Variants in EML4 observed in about 807,000 individuals in gnomAD.
EML4 encodes echinoderm microtubule-associated protein-like 4.
EML4 carries 72 observed loss-of-function variants against 129.0 expected under a neutral mutation model. The observed-to-expected ratio is 0.56, with a 90% CI of 0.46 to 0.68. EML4 has a LOEUF of 0.68. EML4 is among the 30% of genes least tolerant of loss of function. The pLI, the probability that EML4 is intolerant of heterozygous loss-of-function variation, is 0.00. For missense variants in EML4, 1,363 were observed against 1,190.6 expected, an observed-to-expected ratio of 1.14 and a Z score of -2.13; for synonymous variants, 532 against 405.0, an observed-to-expected ratio of 1.31 and a Z score of -3.77.
intron 11 of EML4, 43 bp downstream of exon 11, chr2:42,288,365 A>C (rs774136226): frequency 9.9e-6 from 10 of 1,007,182 alleles, no homozygotes; most frequent in Non-Finnish European, 1.5e-5. Flanking sequence ...AGAGTACGTT[A>C]CTTGTTTTGC....
At chr2:42,220,538 C>T (rs1673520578) in intron 1 of EML4, among the ~76,000 whole-genome samples, 1 of 152,102 alleles carries the variant, frequency 6.6e-6, no homozygotes, top group Non-Finnish European at 1.5e-5. Flanking sequence ...GTTCCTCTGT[C>T]TCTCTCCCTC....
intron 19 of EML4, among the ~76,000 whole-genome samples, chr2:42,321,650 G>C (rs192547190): frequency 3.5e-4 from 54 of 152,212 alleles, no homozygotes; most frequent in Admixed American, 3.5e-3. Flanking sequence ...AATGACTTCT[G>C]CCACCCCTAA....
intron 1 of EML4, among the ~76,000 whole-genome samples, chr2:42,218,026 C>A (rs942270268): frequency 6.6e-6 from 1 of 152,044 alleles, no homozygotes; most frequent in African/African-American, 2.4e-5. Context: ...AACAGGGGTC[C>A]CCAACCCTCC....
chr2:42,198,580 G>A (rs1368313167), intron 1 of EML4, among the ~76,000 whole-genome samples: 1 of 152,130 alleles, frequency 6.6e-6, no homozygotes, highest in Non-Finnish European at 1.5e-5. Context: ...GGAAAAGGTG[G>A]TAAGGATGCT....
chr2:42,195,144 G>C (rs1671826522), intron 1 of EML4, among the ~76,000 whole-genome samples: 1 of 152,116 alleles, frequency 6.6e-6, no homozygotes, highest in African/African-American at 2.4e-5. Context: ...ACTTGGCCTT[G>C]TTTTGTGGCC....
intron 5 of EML4, among the ~76,000 whole-genome samples, chr2:42,263,732 T>C (rs1665878746): frequency 6.8e-6 from 1 of 147,690 alleles, no homozygotes; most frequent in African/African-American, 2.5e-5. Flanking sequence ...AAACTCTGTA[T>C]TATAATTTAT....
intron 17 of EML4, among the ~76,000 whole-genome samples, chr2:42,304,794 C>T (rs1434689729): frequency 6.6e-6 from 1 of 152,118 alleles, no homozygotes; most frequent in African/African-American, 2.4e-5. Flanking sequence ...AATTCCTGTC[C>T]TGTGAAGCCT....
chr2:42,280,415 C>T (rs1666939951), intron 6 of EML4, among the ~76,000 whole-genome samples: 1 of 152,118 alleles, frequency 6.6e-6, no homozygotes, highest in East Asian at 1.9e-4. Flanking sequence ...CCTCTGTATC[C>T]ATGGGTTCTA....
At chr2:42,317,988 T>C (rs545242692) in intron 19 of EML4, among the ~76,000 whole-genome samples, 5 of 152,352 alleles carry the variant, frequency 3.3e-5, no homozygotes, top group South Asian at 4.1e-4. Flanking sequence ...TTTCCTGTAA[T>C]TTATTGCCTA....
chr2:42,191,226 A>C (rs1334335927), intron 1 of EML4, among the ~76,000 whole-genome samples: 1 of 152,214 alleles, frequency 6.6e-6, no homozygotes, highest in South Asian at 2.1e-4. Flanking sequence ...AATATAAAGT[A>C]AAATATGTAT....
intron 1 of EML4, among the ~76,000 whole-genome samples, chr2:42,199,036 G>GA (rs1672061713): frequency 6.6e-6 from 1 of 152,182 alleles, no homozygotes; most frequent in African/African-American, 2.4e-5. Flanking sequence ...GCTGGAGAGG[G>GA]AACACCTTGA....
chr2:42,207,728 G>C (rs189820201), intron 1 of EML4, among the ~76,000 whole-genome samples: 3 of 152,162 alleles, frequency 2.0e-5, no homozygotes, highest in African/African-American at 7.2e-5. Context: ...ACTCAGTTCT[G>C]ATTGGTTGAA....
At chr2:42,260,825 C>A (rs1267832971) in intron 3 of EML4, among the ~76,000 whole-genome samples, 2 of 152,116 alleles carry the variant, frequency 1.3e-5, no homozygotes, top group Non-Finnish European at 2.9e-5. Flanking sequence ...GTTAAGAGAC[C>A]TTCATTTGTC....
At chr2:42,274,155 C>CT (rs919402890) in intron 6 of EML4, among the ~76,000 whole-genome samples, 1 of 152,132 alleles carries the variant, frequency 6.6e-6, no homozygotes. Flanking sequence ...AGTAAAGATT[C>CT]TTTAAGTTTC....
At chr2:42,230,283 A>G (rs1674248193) in intron 1 of EML4, among the ~76,000 whole-genome samples, 1 of 152,232 alleles carries the variant, frequency 6.6e-6, no homozygotes, top group South Asian at 2.1e-4. Flanking sequence ...GGGTTTTACA[A>G]TCTAGTTAGG....
At chr2:42,257,731 G>A (rs771967630) in intron 3 of EML4, among the ~76,000 whole-genome samples, 1 of 152,020 alleles carries the variant, frequency 6.6e-6, no homozygotes, top group Non-Finnish European at 1.5e-5. Context: ...CAGCTACTCA[G>A]GAGGCTGAGG....
intron 1 of EML4, among the ~76,000 whole-genome samples, chr2:42,225,092 T>C (rs939128202): frequency 1.1e-4 from 16 of 152,180 alleles, no homozygotes; most frequent in African/African-American, 3.9e-4. Context: ...GAGTATCATT[T>C]CTTTTTAAGG....
rs140510373 is a variant in EML4, at chr2:42,316,066, C to G, written c.2056+16C>G. The G allele has an allele frequency of 1.3e-3, 2,058 of 1,572,866 alleles. 25 individuals are homozygous for G. In the African/African-American group the frequency reaches 0.022, roughly 17 times the overall value. ...TACTCAATAGGTAGGCAAATTTACT[C>G]CCACCTCCCAAGCATGGCATTCACA... On this transcript the variant is annotated intron_variant, in intron 18 of 22. Coordinates refer to ENST00000318522, the MANE Select transcript of EML4 (RefSeq NM_019063.5).
intron 6 of EML4, among the ~76,000 whole-genome samples, chr2:42,267,868 TG>T (rs1666151128): frequency 6.6e-6 from 1 of 152,212 alleles, no homozygotes; most frequent in Admixed American, 6.5e-5. Context: ...AGTCCTAGCA[TG>T]TCAACTTAAA....
Sources: allele counts gnomAD v4.1 joint callset (sites outside exome capture counted in the v4.1 genomes callset), GRCh38; gene constraint gnomAD v4.1.1; transcripts MANE v1.5; gene names NCBI Gene and HGNC (gene_info 2026-07-23, HGNC 2026-07-21).